ENOX1: variants seen among roughly 807,000 people sequenced by gnomAD.
The protein encoded by ENOX1 is ecto-NOX disulfide-thiol exchanger 1.
In ENOX1, 42 loss-of-function variants were observed where a neutral mutation model predicts 82.5. The ratio of observed to expected loss-of-function variants is 0.51; its 90% confidence interval spans 0.40 to 0.66. The LOEUF (loss-of-function observed/expected upper bound fraction) is 0.66, where lower values mean the gene tolerates loss of function less well. Among genes scored for constraint, ENOX1 ranks in the 30% least tolerant of loss-of-function variants. The probability of loss-of-function intolerance (pLI) is 0.00; values close to 1 mark genes in which losing one functional copy is unlikely to be tolerated. For synonymous variants in ENOX1, 271 were observed against 282.2 expected, an observed-to-expected ratio of 0.96 and a Z score of 0.40; for missense variants, 608 against 811.6, an observed-to-expected ratio of 0.75 and a Z score of 3.05.
intron 3 of ENOX1, among the ~76,000 whole-genome samples, chr13:43,447,734 G>A (rs1474431955): frequency 1.3e-5 from 2 of 152,106 alleles, no homozygotes; most frequent in African/African-American, 4.8e-5. Context: ...AACAGCTGAT[G>A]GATTGGTGTA....
intron 2 of ENOX1, among the ~76,000 whole-genome samples, chr13:43,549,662 G>A (rs903919693): frequency 7.2e-5 from 11 of 152,152 alleles, no homozygotes; most frequent in African/African-American, 2.7e-4. Flanking sequence ...AACTGCATCA[G>A]TAGATTCTAG....
chr13:43,542,244 A>G (rs1432043154), intron 2 of ENOX1, among the ~76,000 whole-genome samples: 6 of 151,366 alleles, frequency 4.0e-5, no homozygotes, highest in Non-Finnish European at 4.4e-5. Context: ...GGTTCAAGCT[A>G]TTCTCAGGCC....
At chr13:43,258,593 C>T (rs1227074996) in intron 14 of ENOX1, among the ~76,000 whole-genome samples, 2 of 152,050 alleles carry the variant, frequency 1.3e-5, no homozygotes, top group East Asian at 3.9e-4. Context: ...AATATTAGTC[C>T]ACGAAAAATC....
At chr13:43,224,226 T>C in intron 15 of ENOX1, 88 bp from the exon 16 acceptor site, 1 of 1,061,174 alleles carries the variant, frequency 9.4e-7, no homozygotes, top group Non-Finnish European at 1.4e-6. Context: ...AGTGACTATT[T>C]TGTCAGGCTG....
intron 1 of ENOX1, among the ~76,000 whole-genome samples, chr13:43,719,661 C>A (rs992647500): frequency 6.6e-6 from 1 of 152,112 alleles, no homozygotes; most frequent in African/African-American, 2.4e-5. Context: ...AGAACCCTAA[C>A]GTAGCGCACC....
At chr13:43,335,699 A>AT (rs1216226121) in intron 9 of ENOX1, among the ~76,000 whole-genome samples, 4 of 149,780 alleles carry the variant, frequency 2.7e-5, no homozygotes, top group Non-Finnish European at 5.9e-5. Context: ...ATTATTAAAG[A>AT]TTTTTTTAAA....
intron 14 of ENOX1, among the ~76,000 whole-genome samples, chr13:43,252,045 G>A (rs912546822): frequency 6.6e-6 from 1 of 152,130 alleles, no homozygotes; most frequent in Admixed American, 6.5e-5. Context: ...ATAGTTTCAA[G>A]TCATCTTCCT....
chr13:43,644,736 G>A (rs1190013262), intron 2 of ENOX1, among the ~76,000 whole-genome samples: 1 of 152,168 alleles, frequency 6.6e-6, no homozygotes, highest in Non-Finnish European at 1.5e-5. Flanking sequence ...ATCTATTTTA[G>A]TTAAATTGCA....
chr13:43,616,135 T>TATAG lies in ENOX1; in HGVS notation c.-219+51343_-219+51344insCTAT, dbSNP rs1566641109. ...ATCTATAGATCTATAGATATCTATC[T>TATAG]ATCTAGATATCTATATAGATAGATA... On this transcript the variant is annotated intron_variant, in intron 2 of 16. Coordinates refer to ENST00000690772, the MANE Select transcript of ENOX1 (RefSeq NM_001347969.2). Among the ~76,000 whole-genome samples, 19 of 40,164 alleles carry TATAG rather than the reference T, an allele frequency of 4.7e-4. 3 individuals carry two copies. Among genetic ancestry groups the TATAG allele is most frequent in the African/African-American group, 1.8e-3 (17 of 9,416 alleles). 26.3% of individuals were successfully genotyped at this position (40,164 alleles called of 152,430 possible). A position where few individuals can be genotyped will look rare whatever the true frequency, so the allele number is the denominator to read the frequency against.
intron 14 of ENOX1, among the ~76,000 whole-genome samples, chr13:43,247,852 TATATATATATATATA>T (rs2043181308): frequency 1.1e-3 from 3 of 2,828 alleles, no homozygotes; most frequent in Non-Finnish European, 4.3e-3. Flanking sequence ...TATATATATA[TATATATATATATATA>T]TATATATATA....
At chr13:43,537,643 C>G (rs1393636473) in intron 2 of ENOX1, among the ~76,000 whole-genome samples, 2 of 152,164 alleles carry the variant, frequency 1.3e-5, no homozygotes, top group Admixed American at 1.3e-4. Flanking sequence ...AAATATTTCA[C>G]TGAAAATTAA....
At chr13:43,431,131 T>C (rs1437565292) in intron 3 of ENOX1, among the ~76,000 whole-genome samples, 1 of 152,230 alleles carries the variant, frequency 6.6e-6, no homozygotes, top group Admixed American at 6.5e-5. Flanking sequence ...TTAACTCTTG[T>C]CTTCATAGGG....
At chr13:43,642,861 T>A (rs1269427532) in intron 2 of ENOX1, among the ~76,000 whole-genome samples, 1 of 152,222 alleles carries the variant, frequency 6.6e-6, no homozygotes, top group Non-Finnish European at 1.5e-5. Flanking sequence ...CGTAAGCTGA[T>A]ATTCTCTTTC....
At chr13:43,587,705 C>G (rs1487187816) in intron 2 of ENOX1, among the ~76,000 whole-genome samples, 4 of 152,092 alleles carry the variant, frequency 2.6e-5, no homozygotes, top group African/African-American at 9.7e-5. Context: ...TAATTGGAAC[C>G]ATTAGACTGA....
chr13:43,760,755 G>T (rs1039650223), intron 1 of ENOX1, among the ~76,000 whole-genome samples: 1 of 151,488 alleles, frequency 6.6e-6, no homozygotes, highest in Non-Finnish European at 1.5e-5. Flanking sequence ...CCAAAACAAA[G>T]TTCACATGCA....
chr13:43,696,568 G>C (rs1413188371), intron 1 of ENOX1, among the ~76,000 whole-genome samples: 2 of 152,180 alleles, frequency 1.3e-5, no homozygotes, highest in African/African-American at 2.4e-5. Context: ...GGGAGCCACA[G>C]AATGTGGTGC....
chr13:43,606,580 G>A lies in ENOX1; in HGVS notation c.-219+60899C>T, dbSNP rs549588744. ...ACTTCTCATGTTCTTACTTATTTGT[G>A]GGAGCTAAAAATTAAAACAATTGTA... On this transcript the variant is annotated intron_variant, in intron 2 of 16. Coordinates refer to ENST00000690772, the MANE Select transcript of ENOX1 (RefSeq NM_001347969.2). 2.0e-5 allele frequency among the ~76,000 whole-genome samples: 3 copies of A among 152,208 alleles called. No individual in the cohort carries two copies. The South Asian group carries it at 6.2e-4, about 32-fold the overall frequency.
At chr13:43,419,893 C>G (rs1194320929) in intron 3 of ENOX1, among the ~76,000 whole-genome samples, 1 of 152,072 alleles carries the variant, frequency 6.6e-6, no homozygotes, top group African/African-American at 2.4e-5. Context: ...ATGGCTTGAA[C>G]CTGGGAGGCA....
rs569959683 is a variant in ENOX1, at chr13:43,393,367, C to A, written c.208+18549G>T. Among the ~76,000 whole-genome samples, 7 of 152,202 alleles carry A rather than the reference C, an allele frequency of 4.6e-5. No homozygotes were observed. In the South Asian group the frequency reaches 1.5e-3, roughly 32 times the overall value. ...AAGTGGGCAAATGGTTTGTAGTGTT[C>A]TAATAAAATAGATTAGATAAAAGGG... On this transcript the variant is annotated intron_variant, in intron 5 of 16. Coordinates refer to ENST00000690772, the MANE Select transcript of ENOX1 (RefSeq NM_001347969.2).
Sources: gnomAD v4.1 joint callset for allele counts (sites outside exome capture counted in the v4.1 genomes callset) on GRCh38, gnomAD v4.1.1 for gene constraint, MANE v1.5 for transcripts, NCBI Gene and HGNC (gene_info 2026-07-23, HGNC 2026-07-21) for gene names.